The following NRG1 variants were observed in gnomAD, a reference collection of about 807,000 sequenced individuals.
NRG1 encodes the protein pro-neuregulin-1, membrane-bound isoform.
In NRG1, 18 loss-of-function variants were observed where a neutral mutation model predicts 63.8. The observed-to-expected ratio is 0.28, with a 90% confidence interval of 0.19 to 0.42. NRG1 has a LOEUF of 0.42. Ranked by LOEUF, NRG1 falls within the 10% of genes least tolerant of loss-of-function variation. NRG1 has a pLI of 1.00. For missense variants in NRG1, 762 were observed against 814.7 expected, an observed-to-expected ratio of 0.94 and a Z score of 0.79; for synonymous variants, 302 against 301.3, an observed-to-expected ratio of 1.00 and a Z score of -0.02.
At chr8:32,563,197 C>T (rs768486581) in intron 1 of NRG1, among the ~76,000 whole-genome samples, 32 of 152,186 alleles carry the variant, frequency 2.1e-4, no homozygotes, top group Admixed American at 1.2e-3. Context: ...GATAATTCTT[C>T]TTCCAATGTG....
chr8:32,658,104 T>A (rs1485619182), intron 5 of NRG1, among the ~76,000 whole-genome samples: 1 of 152,178 alleles, frequency 6.6e-6, no homozygotes, highest in Admixed American at 6.5e-5. Flanking sequence ...ATATGATCCT[T>A]ATAATCTTAA....
At chr8:31,653,050 C>T (rs1273515107) in intron 1 of NRG1, among the ~76,000 whole-genome samples, 4 of 134,918 alleles carry the variant, frequency 3.0e-5, no homozygotes, top group Non-Finnish European at 6.3e-5. Context: ...CTCCTCTCCT[C>T]TCCTCTTGTC....
At chr8:31,699,023 T>C (rs1177997325) in intron 1 of NRG1, among the ~76,000 whole-genome samples, 1 of 152,190 alleles carries the variant, frequency 6.6e-6, no homozygotes, top group Admixed American at 6.5e-5. Flanking sequence ...CCCACTGACT[T>C]CCGTCATTGT....
chr8:32,591,990 C>T (rs780125966), intron 1 of NRG1, among the ~76,000 whole-genome samples: 11 of 152,024 alleles, frequency 7.2e-5, no homozygotes, highest in Middle Eastern at 3.4e-3. Context: ...AATGCACACA[C>T]GCACACACAG....
intron 1 of NRG1, among the ~76,000 whole-genome samples, chr8:32,157,700 AT>A (rs896892931): frequency 4.7e-5 from 7 of 149,334 alleles, no homozygotes; most frequent in Non-Finnish European, 1.0e-4. Context: ...ATATATAAAT[AT>A]TTTTATATAC....
downstream of NRG1, among the ~76,000 whole-genome samples, chr8:32,772,041 GTATATATATATATA>G (rs1157977487): frequency 0.012 from 125 of 10,550 alleles, 4 homozygotes; most frequent in African/African-American, 0.032. Context: ...AAAAAAATAT[GTATATATATATATA>G]TATATATATA....
chr8:32,709,237 G>A (rs564244944), intron 5 of NRG1, among the ~76,000 whole-genome samples: 16 of 152,092 alleles, frequency 1.1e-4, no homozygotes, highest in Admixed American at 4.6e-4. Context: ...TTTTAGTCAC[G>A]CCTCTTATAT....
At chr8:32,177,418 T>C (rs1168511971) in intron 1 of NRG1, among the ~76,000 whole-genome samples, 1 of 152,196 alleles carries the variant, frequency 6.6e-6, no homozygotes, top group East Asian at 1.9e-4. Flanking sequence ...ACATGGCACA[T>C]GTATACATAT....
chr8:32,513,670 C>T (rs1419670133), intron 1 of NRG1, among the ~76,000 whole-genome samples: 2 of 151,886 alleles, frequency 1.3e-5, no homozygotes, highest in Non-Finnish European at 2.9e-5. Context: ...CAAAAGTATC[C>T]GTATCATTTT....
intron 1 of NRG1, among the ~76,000 whole-genome samples, chr8:32,014,585 G>A (rs1268561993): frequency 2.0e-5 from 3 of 151,918 alleles, no homozygotes; most frequent in Non-Finnish European, 4.4e-5. Context: ...AAAGGAGGAG[G>A]TGCAAAGAAG....
chr8:32,001,970 A>G (rs1157623029), intron 1 of NRG1, among the ~76,000 whole-genome samples: 1 of 151,992 alleles, frequency 6.6e-6, no homozygotes, highest in African/African-American at 2.4e-5. Flanking sequence ...TTCACACTTA[A>G]GGAGTCAGGA....
chr8:32,242,540 A>C (rs544346278), intron 1 of NRG1, among the ~76,000 whole-genome samples: 1 of 152,320 alleles, frequency 6.6e-6, no homozygotes, highest in African/African-American at 2.4e-5. Context: ...CTGACACTTA[A>C]GTTCTCAAAT....
intron 1 of NRG1, among the ~76,000 whole-genome samples, chr8:31,664,556 A>G (rs921651415): frequency 2.6e-5 from 4 of 152,222 alleles, no homozygotes; most frequent in Admixed American, 1.3e-4. Context: ...ATAATCTCTT[A>G]TAAGAGTAGT....
intron 1 of NRG1, among the ~76,000 whole-genome samples, chr8:32,085,985 C>T (rs1019540759): frequency 6.6e-6 from 1 of 152,174 alleles, no homozygotes; most frequent in Non-Finnish European, 1.5e-5. Flanking sequence ...CACCGTGCTC[C>T]TTAGTAGAAG....
chr8:32,682,268 G>C (rs1372140201), intron 5 of NRG1, among the ~76,000 whole-genome samples: 2 of 152,030 alleles, frequency 1.3e-5, no homozygotes, highest in Non-Finnish European at 2.9e-5. Flanking sequence ...TGTGCATTAA[G>C]CAGCATTGAT....
chr8:32,087,700 A>AC (rs775596515), intron 1 of NRG1, among the ~76,000 whole-genome samples: 5 of 151,362 alleles, frequency 3.3e-5, no homozygotes, highest in Non-Finnish European at 5.9e-5. Flanking sequence ...TGAACTTCTG[A>AC]CCTTGTGATC....
chr8:31,735,545 C>G (rs146404417), intron 1 of NRG1, among the ~76,000 whole-genome samples: 183 of 152,248 alleles, frequency 1.2e-3, no homozygotes, highest in African/African-American at 4.0e-3. Flanking sequence ...TTAAGTGGAA[C>G]CTCAGTGCAA....
At chr8:32,160,163 TC>T in intron 1 of NRG1, among the ~76,000 whole-genome samples, 1 of 152,302 alleles carries the variant, frequency 6.6e-6, no homozygotes, top group Admixed American at 6.5e-5. Context: ...TGTTCAGGCC[TC>T]TGTGCCCCAC....
At chr8:32,359,438 C>G (rs1020600474) in intron 1 of NRG1, among the ~76,000 whole-genome samples, 1 of 152,082 alleles carries the variant, frequency 6.6e-6, no homozygotes, top group African/African-American at 2.4e-5. Flanking sequence ...AAGACTAGAA[C>G]AAAATATTGC....
Sources: allele counts gnomAD v4.1 joint callset (sites outside exome capture counted in the v4.1 genomes callset), GRCh38; gene constraint gnomAD v4.1.1; transcripts MANE v1.5; gene names NCBI Gene and HGNC (gene_info 2026-07-23, HGNC 2026-07-21).